Variants in DPH6 observed in about 807,000 individuals in gnomAD.
The protein encoded by DPH6 is diphthamine biosynthesis 6.
Under a neutral mutation model 38.2 loss-of-function variants are expected in DPH6, and 33 were observed. The observed-to-expected ratio is 0.86, with a 90% CI of 0.65 to 1.15. DPH6 has a LOEUF of 1.15. DPH6 is among the 50% of genes most tolerant of loss of function. DPH6 has a pLI of 0.00. For synonymous variants in DPH6, 108 were observed against 103.0 expected (o/e 1.05, Z -0.30); for missense variants, 325 against 320.0 (o/e 1.02, Z -0.12).
the DPH6 span, among the ~76,000 whole-genome samples, chr15:35,189,947 A>C: frequency 2.0e-5 from 3 of 152,246 alleles, no homozygotes; most frequent in African/African-American, 7.2e-5. Context: ...CAAGAGACAG[A>C]CAACATCTTG....
At position 35,542,965 on chromosome 15, in the gene DPH6, T is replaced by TATATATATATATATATATA. The variant is rs58422347; in HGVS notation, c.24-459_24-458insTATATATATATATATATAT. ...TAAGGAATATATATATATATATATA[T>TATATATATATATATATATA]AAAATAATTTCATAGAAATTATTGG... On this transcript the variant is annotated intron_variant, in intron 1 of 8. Transcript: ENST00000256538. Among the ~76,000 whole-genome samples the TATATATATATATATATATA allele has an allele frequency of 3.2e-4, 24 of 76,170 alleles. 1 individual carries two copies. In the East Asian group the frequency reaches 4.7e-3, roughly 15 times the overall value. 50.0% of individuals were successfully genotyped at this position (76,170 alleles called of 152,430 possible).
At chr15:35,160,901 A>T in the DPH6 span, among the ~76,000 whole-genome samples, 2 of 151,996 alleles carry the variant, frequency 1.3e-5, no homozygotes, top group East Asian at 3.9e-4. Flanking sequence ...CAAAAAACCA[A>T]ACACCGCATG....
chr15:35,187,979 C>T, the DPH6 span, among the ~76,000 whole-genome samples: 1 of 152,122 alleles, frequency 6.6e-6, no homozygotes, highest in East Asian at 1.9e-4. Context: ...TCTGTCTCTA[C>T]AAAAAATACA....
At chr15:35,210,792 G>A in the DPH6 span, among the ~76,000 whole-genome samples, 17 of 152,118 alleles carry the variant, frequency 1.1e-4, no homozygotes, top group South Asian at 3.5e-3. Flanking sequence ...TTCCTCAAGG[G>A]TGGCACTGTG....
At chr15:35,446,715 G>T (rs2053858633) in intron 5 of DPH6, among the ~76,000 whole-genome samples, 1 of 152,080 alleles carries the variant, frequency 6.6e-6, no homozygotes, top group African/African-American at 2.4e-5. Context: ...TTTTAACTGT[G>T]CAGGGGGTTG....
intron 7 of DPH6, among the ~76,000 whole-genome samples, chr15:35,378,924 GT>G (rs1306539424): frequency 6.6e-6 from 1 of 152,110 alleles, no homozygotes; most frequent in Non-Finnish European, 1.5e-5. Flanking sequence ...GTATACCTAC[GT>G]AACAAACCTA....
exon 4 of DPH6, chr15:35,220,180 G>C (rs1302570762): frequency 1.3e-5 from 2 of 152,006 alleles, no homozygotes; most frequent in Admixed American, 6.6e-5. Context: ...TTTTCTTTTA[G>C]ATTTTTGACT....
intron 3 of DPH6, among the ~76,000 whole-genome samples, chr15:35,249,326 CAA>C (rs1595446074): frequency 6.6e-6 from 1 of 151,910 alleles, no homozygotes; most frequent in East Asian, 1.9e-4. Context: ...TGAGATTAGA[CAA>C]AAATATTTAG....
chr15:35,175,759 A>G, the DPH6 span, among the ~76,000 whole-genome samples: 313 of 152,342 alleles, frequency 2.1e-3, 1 homozygote, highest in African/African-American at 6.9e-3. Flanking sequence ...CCTCTAGGAG[A>G]TAAATTCTAC....
intron 3 of DPH6, among the ~76,000 whole-genome samples, chr15:35,469,389 A>C (rs558986154): frequency 4.6e-5 from 7 of 152,208 alleles, no homozygotes; most frequent in Non-Finnish European, 1.0e-4. Context: ...TAGTGATCAG[A>C]AAAGTTAAAA....
chr15:35,374,574 C>T (rs2052755615), intron 7 of DPH6, among the ~76,000 whole-genome samples: 1 of 151,832 alleles, frequency 6.6e-6, no homozygotes, highest in Non-Finnish European at 1.5e-5. Context: ...CTTGAAAGAT[C>T]AAGAAAAAAG....
In DPH6 at chr15:35,335,872, GTT is replaced by G. The variant is rs565916523; in HGVS notation, n.208-4797_208-4796del. 7.2e-4 allele frequency among the ~76,000 whole-genome samples: 110 copies of G among 152,100 alleles called. 1 individual carries two copies. Among genetic ancestry groups the G allele is most frequent in the South Asian group, 1.9e-3 (9 of 4,816 alleles). ...TGATTGTCTTGGCTCTTTGGCCTGT[GTT>G]TTGGTTCCATATGAATTTTTAAATA... On this transcript the variant is annotated intron_variant and non_coding_transcript_variant, in intron 3 of 3. Transcript: ENST00000558973.
chr15:35,318,466 T>G (rs2052212023), intron 3 of DPH6, among the ~76,000 whole-genome samples: 1 of 152,172 alleles, frequency 6.6e-6, no homozygotes, highest in Non-Finnish European at 1.5e-5. Context: ...CTTTACTTAA[T>G]TGGCATATAT....
downstream of DPH6, among the ~76,000 whole-genome samples, chr15:35,213,698 A>G (rs548744682): frequency 9.8e-5 from 15 of 152,300 alleles, no homozygotes; most frequent in Admixed American, 9.2e-4. Flanking sequence ...CCTGGACCCC[A>G]ATTACATCAC....
chr15:35,336,485 A>G (rs1006791742), intron 3 of DPH6, among the ~76,000 whole-genome samples: 26 of 152,178 alleles, frequency 1.7e-4, no homozygotes, highest in African/African-American at 6.3e-4. Flanking sequence ...TTGTGCATTC[A>G]TCACGTAGTT....
chr15:35,197,532 C>T, the DPH6 span, among the ~76,000 whole-genome samples: 1 of 152,164 alleles, frequency 6.6e-6, no homozygotes, highest in Non-Finnish European at 1.5e-5. Context: ...CAGTAACACA[C>T]TTCTTTTGTA....
chr15:35,195,113 C>G, the DPH6 span, among the ~76,000 whole-genome samples: 1 of 152,174 alleles, frequency 6.6e-6, no homozygotes, highest in African/African-American at 2.4e-5. Flanking sequence ...AATCTACTGT[C>G]TATCCTCAGG....
intron 6 of DPH6, among the ~76,000 whole-genome samples, chr15:35,384,434 T>C (rs113708934): frequency 2.6e-5 from 4 of 152,204 alleles, no homozygotes; most frequent in African/African-American, 9.6e-5. Context: ...AAGAGAAGTA[T>C]AGAGAGAACT....
intron 3 of DPH6, among the ~76,000 whole-genome samples, chr15:35,226,091 C>G (rs2051478664): frequency 6.6e-6 from 1 of 151,080 alleles, no homozygotes; most frequent in South Asian, 2.1e-4. Context: ...TCACTGCACT[C>G]CAGCCTGGGC....
Sources: gnomAD v4.1 joint callset for allele counts (sites outside exome capture counted in the v4.1 genomes callset) on GRCh38, gnomAD v4.1.1 for gene constraint, MANE v1.5 for transcripts, NCBI Gene and HGNC (gene_info 2026-07-23, HGNC 2026-07-21) for gene names.